The following SERPINB7 variants were observed in gnomAD, a reference collection of about 807,000 sequenced individuals.
The protein encoded by SERPINB7 is serpin B7.
In SERPINB7, 31 loss-of-function variants were observed where a neutral mutation model predicts 37.4. The observed-to-expected ratio is 0.83, with a 90% CI of 0.62 to 1.12. SERPINB7 has a LOEUF of 1.12. SERPINB7 is among the 50% of genes most tolerant of loss of function. The pLI, the probability that SERPINB7 is intolerant of heterozygous loss-of-function variation, is 0.00. For missense variants in SERPINB7, 521 were observed against 455.3 expected (o/e 1.14, Z -1.31); for synonymous variants, 163 against 166.1 (o/e 0.98, Z 0.14).
chr18:63,769,520 A>G (rs1294410999), intron 1 of SERPINB7, among the ~76,000 whole-genome samples: 1 of 152,094 alleles, frequency 6.6e-6, no homozygotes, highest in Non-Finnish European at 1.5e-5. Flanking sequence ...TTGGTTTGAC[A>G]AGTATTTTGT....
At chr18:63,763,319 C>T (rs529011204) in intron 1 of SERPINB7, among the ~76,000 whole-genome samples, 33 of 152,198 alleles carry the variant, frequency 2.2e-4, no homozygotes, top group South Asian at 1.2e-3. Flanking sequence ...ACTAATATAT[C>T]GTCCAGAAAG....
upstream of SERPINB7, among the ~76,000 whole-genome samples, chr18:63,774,777 G>T (rs1008199101): frequency 6.6e-6 from 1 of 152,018 alleles, no homozygotes; most frequent in African/African-American, 2.4e-5. Flanking sequence ...GCTCAGTTCA[G>T]GTAAGCATTT....
In SERPINB7 at chr18:63,798,235, A is replaced by G. The variant is rs149722535; in HGVS notation, c.455-369A>G. ...GTACTGTAGTAGCAAAAGGTGGCCTAGTCAATGCAGTAAAGGCACTTTGGT... is the reference window on the plus strand; with the variant it reads ...GTACTGTAGTAGCAAAAGGTGGCCTGGTCAATGCAGTAAAGGCACTTTGGT... On this transcript the variant is annotated intron_variant, in intron 5 of 7. Transcript: ENST00000398019. 2.6e-5 allele frequency among the ~76,000 whole-genome samples: 4 copies of G among 152,354 alleles called. No homozygotes were observed. In the East Asian group the frequency reaches 7.7e-4, roughly 29 times the overall value.
At chr18:63,773,991 C>T (rs116672299), upstream of SERPINB7, among the ~76,000 whole-genome samples, 355 of 152,102 alleles carry the variant, frequency 2.3e-3, 2 homozygotes, top group African/African-American at 7.7e-3. Flanking sequence ...TTTATATCCT[C>T]AGTAGGTAAG....
intron 1 of SERPINB7, among the ~76,000 whole-genome samples, chr18:63,762,210 G>T (rs2049158168): frequency 6.6e-6 from 1 of 152,154 alleles, no homozygotes. Flanking sequence ...AATTCGTTCA[G>T]TCAATGAGTG....
intron 2 of SERPINB7, among the ~76,000 whole-genome samples, chr18:63,785,041 A>T (rs2049350434): frequency 6.6e-6 from 1 of 152,140 alleles, no homozygotes; most frequent in African/African-American, 2.4e-5. Context: ...TGCCTCATCA[A>T]TTACTCTCAT....
intron 1 of SERPINB7, among the ~76,000 whole-genome samples, chr18:63,777,028 G>A (rs929746718): frequency 2.6e-5 from 4 of 152,066 alleles, no homozygotes; most frequent in African/African-American, 7.2e-5. Flanking sequence ...AATAAAGGCA[G>A]TATGGGCAAA....
chr18:63,784,720 G>A (rs536067657), intron 2 of SERPINB7, among the ~76,000 whole-genome samples: 211 of 152,206 alleles, frequency 1.4e-3, no homozygotes, highest in African/African-American at 5.0e-3. Flanking sequence ...ACCTGTGCAC[G>A]GAGGATGCTG....
intron 1 of SERPINB7, chr18:63,777,703 A>G (rs949923111): frequency 1.3e-5 from 2 of 152,304 alleles, no homozygotes; most frequent in African/African-American, 4.8e-5. Context: ...TAAAACTATC[A>G]TGGCCATCAT....
At chr18:63,792,484 C>CA (rs2049440051) in intron 3 of SERPINB7, 41 bp downstream of exon 3, 1 of 1,353,352 alleles carries the variant, frequency 7.4e-7, no homozygotes, top group African/African-American at 1.4e-5. Flanking sequence ...GAAGGTGAGC[C>CA]AGGTGCAGGG....
chr18:63,780,770 A>G (rs1269975746), intron 1 of SERPINB7, among the ~76,000 whole-genome samples: 3 of 152,208 alleles, frequency 2.0e-5, no homozygotes, highest in Non-Finnish European at 4.4e-5. Flanking sequence ...AATTCTATAT[A>G]GCTGAATTTG....
chr18:63,793,143 A>T lies in SERPINB7; in HGVS notation c.220-18A>T, dbSNP rs775389947. ...TTGCAGTCCAAAAATAAATTTTTAT[A>T]CATCTTTTTAATAACAGTCAGGGCT... On this transcript the variant is annotated intron_variant, in intron 3 of 7. Transcript: ENST00000398019. 4 of 1,364,932 alleles carry T rather than the reference A, an allele frequency of 2.9e-6. No homozygotes were observed. The Admixed American group carries it at 8.4e-5, about 29-fold the overall frequency. 84.6% of individuals were successfully genotyped at this position (1,364,932 alleles called of 1,614,324 possible). A position where few individuals can be genotyped will look rare whatever the true frequency, so the allele number is the denominator to read the frequency against.
rs532088324 is a variant in SERPINB7 at position 63,804,431 on chromosome 18, G to A, written c.939G>A (p.Gly313=). The A allele has an allele frequency of 3.1e-6, 5 of 1,613,574 alleles. No individual in the cohort carries two copies. Among genetic ancestry groups the A allele is most frequent in the Middle Eastern group, 1.6e-4 (1 of 6,076 alleles). Residue 313 remains glycine (G), a synonymous_variant, in exon 8 of 8, where the codon GGG becomes GGA. Coordinates refer to ENST00000398019, the MANE Select transcript of SERPINB7 (RefSeq NM_003784.4). ...CAGATCTCTCTGGGATTGCTTCGGG[G>A]GGTCGTCTGTATATATCAAGGATGA... ...SKADLSGIAS[G]GRLYISRMMH...
chr18:63,788,199 T>C (rs1234249645), intron 2 of SERPINB7, among the ~76,000 whole-genome samples: 1 of 152,178 alleles, frequency 6.6e-6, no homozygotes, highest in African/African-American at 2.4e-5. Context: ...AAGGAGGCAT[T>C]GTTATCATAG....
chr18:63,783,549 T>G lies in SERPINB7; in HGVS notation c.168+1009T>G, dbSNP rs534915918. 2.0e-5 allele frequency among the ~76,000 whole-genome samples: 3 copies of G among 152,282 alleles called. No homozygotes were observed. In the South Asian group the frequency reaches 6.2e-4, roughly 32 times the overall value. The stretch of plus-strand genomic sequence containing the variant: ...CAGCCTACCTGAATAGTCCTCACAT[T>G]GTCATCATCACCACCTTCACCGCCA... On this transcript the variant is annotated intron_variant, in intron 2 of 7. Transcript: ENST00000398019.
In SERPINB7 at chr18:63,804,431, G is replaced by T. The variant is rs532088324; in HGVS notation, c.939G>T (p.Gly313=). The T allele has an allele frequency of 4.3e-6, 7 of 1,613,692 alleles. No homozygotes were observed. Among genetic ancestry groups the T allele is most frequent in the African/African-American group, 1.3e-5 (1 of 75,004 alleles). ...CAGATCTCTCTGGGATTGCTTCGGGGGGTCGTCTGTATATATCAAGGATGA... is the reference window on the plus strand; with the variant it reads ...CAGATCTCTCTGGGATTGCTTCGGGTGGTCGTCTGTATATATCAAGGATGA... ...SKADLSGIAS[G]GRLYISRMMH... Residue 313 remains glycine, a synonymous_variant, in exon 8 of 8, where the codon GGG becomes GGT. Coordinates refer to ENST00000398019, the MANE Select transcript of SERPINB7 (RefSeq NM_003784.4).
At chr18:63,761,824 G>A (rs2049155855) in intron 1 of SERPINB7, among the ~76,000 whole-genome samples, 1 of 152,140 alleles carries the variant, frequency 6.6e-6, no homozygotes, top group South Asian at 2.1e-4. Context: ...GGAACTGTAA[G>A]TTCAATTAAA....
chr18:63,786,647 T>A (rs760302236), intron 2 of SERPINB7, among the ~76,000 whole-genome samples: 1 of 152,222 alleles, frequency 6.6e-6, no homozygotes, highest in South Asian at 2.1e-4. Context: ...TTAATCCAAA[T>A]GTCCTGAAAT....
chr18:63,779,523 T>C (rs1344394853), intron 1 of SERPINB7, among the ~76,000 whole-genome samples: 6 of 152,170 alleles, frequency 3.9e-5, no homozygotes, highest in Non-Finnish European at 7.4e-5. Context: ...AACATGTCTG[T>C]ACAAGAATGT....
Sources: allele counts gnomAD v4.1 joint callset (sites outside exome capture counted in the v4.1 genomes callset), GRCh38; gene constraint gnomAD v4.1.1; transcripts MANE v1.5; gene names NCBI Gene and HGNC (gene_info 2026-07-23, HGNC 2026-07-21).